Variants in STXBP5L observed in about 807,000 individuals in gnomAD.
STXBP5L encodes the protein syntaxin-binding protein 5-like.
Under a neutral mutation model 144.5 loss-of-function variants are expected in STXBP5L, and 65 were observed. The ratio of observed to expected loss-of-function variants is 0.45; its 90% CI spans 0.37 to 0.55. The LOEUF (loss-of-function observed/expected upper bound fraction) is 0.55. Among genes scored for constraint, STXBP5L ranks in the 20% least tolerant of loss-of-function variants. The probability of loss-of-function intolerance (pLI) is 0.00; values close to 1 mark genes in which losing one functional copy is unlikely to be tolerated. For synonymous variants in STXBP5L, 505 were observed against 469.6 expected, an observed-to-expected ratio of 1.08 and a Z score of -0.97; for missense variants, 1,298 against 1,405.5, an observed-to-expected ratio of 0.92 and a Z score of 1.22.
At chr3:121,332,625 C>T (rs920204533) in intron 20 of STXBP5L, among the ~76,000 whole-genome samples, 2 of 151,804 alleles carry the variant, frequency 1.3e-5, no homozygotes, top group South Asian at 4.2e-4. Flanking sequence ...ATTACATAAT[C>T]CCATGACCAA....
intron 19 of STXBP5L, among the ~76,000 whole-genome samples, chr3:121,281,831 A>G (rs1164838091): frequency 6.6e-6 from 1 of 151,920 alleles, no homozygotes; most frequent in East Asian, 1.9e-4. Context: ...TGAAGTATTA[A>G]AGACTGAAAT....
At chr3:121,347,080 T>C (rs1048961086) in intron 20 of STXBP5L, among the ~76,000 whole-genome samples, 1 of 152,196 alleles carries the variant, frequency 6.6e-6, no homozygotes, top group African/African-American at 2.4e-5. Flanking sequence ...GTTTTTATGG[T>C]TTTAGGTCTA....
chr3:121,184,283 G>A (rs1057069268), intron 9 of STXBP5L, among the ~76,000 whole-genome samples: 1 of 147,504 alleles, frequency 6.8e-6, no homozygotes, highest in South Asian at 2.2e-4. Flanking sequence ...AAAGGAGCAT[G>A]TTCTAACCCA....
chr3:121,156,612 A>G (rs2046120254), intron 8 of STXBP5L, among the ~76,000 whole-genome samples: 1 of 152,012 alleles, frequency 6.6e-6, no homozygotes, highest in Non-Finnish European at 1.5e-5. Context: ...CTATGCTAGC[A>G]TTGGGAATAC....
chr3:121,355,127 C>T (rs922900153), intron 20 of STXBP5L, among the ~76,000 whole-genome samples: 1 of 152,146 alleles, frequency 6.6e-6, no homozygotes, highest in Non-Finnish European at 1.5e-5. Context: ...ACATTTTTTC[C>T]TTCATTTCAA....
Position 121,074,974 on chromosome 3 carries a change from T to A in STXBP5L, c.470+29439T>A, listed in dbSNP as rs555429921. Among the ~76,000 whole-genome samples, 4 of 152,322 alleles carry A rather than the reference T, an allele frequency of 2.6e-5. No individual in the cohort carries two copies. In the East Asian group the frequency reaches 7.7e-4, roughly 29 times the overall value. On this transcript the variant is annotated intron_variant, in intron 5 of 26. Transcript: ENST00000471454. The stretch of plus-strand genomic sequence containing the variant: ...TTAGACAATGGCCCAATCGCTTGAG[T>A]TACTCCTGAGTGCTCTGCACCAGTA...
chr3:120,927,830 C>A (rs541676264), intron 2 of STXBP5L, among the ~76,000 whole-genome samples: 5 of 152,206 alleles, frequency 3.3e-5, no homozygotes, highest in African/African-American at 4.8e-5. Flanking sequence ...CATTTTGGAA[C>A]CTGTAGTCTC....
chr3:121,157,726 T>C (rs2046171433), intron 9 of STXBP5L, 99 bp downstream of exon 9: 2 of 1,473,212 alleles, frequency 1.4e-6, no homozygotes, highest in African/African-American at 2.9e-5. Flanking sequence ...AAAAAAGTAA[T>C]AGGACATAGC....
intron 20 of STXBP5L, among the ~76,000 whole-genome samples, chr3:121,365,004 C>G (rs188063307): frequency 1.1e-3 from 174 of 151,772 alleles, no homozygotes; most frequent in African/African-American, 4.1e-3. Flanking sequence ...TTTTGAGTCT[C>G]TATCTGAGTC....
intron 5 of STXBP5L, among the ~76,000 whole-genome samples, chr3:121,070,826 C>T (rs912724914): frequency 2.1e-4 from 32 of 152,142 alleles, no homozygotes; most frequent in African/African-American, 7.5e-4. Flanking sequence ...GGGAATACTT[C>T]TGTTTTGTTT....
At chr3:121,183,612 G>C (rs1328419106) in intron 9 of STXBP5L, among the ~76,000 whole-genome samples, 1 of 147,784 alleles carries the variant, frequency 6.8e-6, no homozygotes, top group African/African-American at 2.5e-5. Context: ...AAAGAGAAAG[G>C]AAAAGAAAGG....
intron 9 of STXBP5L, among the ~76,000 whole-genome samples, chr3:121,160,271 T>G (rs2046273472): frequency 6.6e-6 from 1 of 152,164 alleles, no homozygotes. Context: ...TTTTGCTTTA[T>G]TTATTTTGGG....
At chr3:121,334,922 CCTAT>C (rs1238805270) in intron 20 of STXBP5L, among the ~76,000 whole-genome samples, 6 of 152,168 alleles carry the variant, frequency 3.9e-5, no homozygotes, top group African/African-American at 1.2e-4. Context: ...ACCCACCACT[CCTAT>C]TTAACAGAGT....
At chr3:121,197,285 T>C (rs2047958123) in intron 9 of STXBP5L, among the ~76,000 whole-genome samples, 1 of 152,168 alleles carries the variant, frequency 6.6e-6, no homozygotes. Context: ...TTGGATACTA[T>C]TTGCTTGTTT....
intron 9 of STXBP5L, among the ~76,000 whole-genome samples, chr3:121,203,802 A>G (rs2048230195): frequency 6.6e-6 from 1 of 152,218 alleles, no homozygotes; most frequent in East Asian, 1.9e-4. Context: ...TGGTTTGACA[A>G]TTTAGTGAAG....
chr3:121,305,032 AT>A, intron 19 of STXBP5L, among the ~76,000 whole-genome samples: 1 of 152,252 alleles, frequency 6.6e-6, no homozygotes, highest in South Asian at 2.1e-4. Flanking sequence ...ATAAAGTAAG[AT>A]TATTAACTCT....
At chr3:121,163,478 G>T (rs2046393649) in intron 9 of STXBP5L, among the ~76,000 whole-genome samples, 1 of 151,848 alleles carries the variant, frequency 6.6e-6, no homozygotes, top group Non-Finnish European at 1.5e-5. Context: ...TGCATGCCGG[G>T]CTTAAAACCT....
intron 3 of STXBP5L, among the ~76,000 whole-genome samples, chr3:120,991,737 C>T (rs1942897440): frequency 6.6e-6 from 1 of 151,418 alleles, no homozygotes; most frequent in African/African-American, 2.4e-5. Context: ...CGCATGTTCT[C>T]ACTCATAGGT....
intron 1 of STXBP5L, chr3:120,909,340 A>C: frequency 2.4e-6 from 1 of 420,608 alleles, no homozygotes; most frequent in East Asian, 5.4e-5. Context: ...TGAGGAGGGA[A>C]TACTGTTGCT....
Sources: allele counts gnomAD v4.1 joint callset (sites outside exome capture counted in the v4.1 genomes callset), GRCh38; gene constraint gnomAD v4.1.1; transcripts MANE v1.5; gene names NCBI Gene and HGNC (gene_info 2026-07-23, HGNC 2026-07-21).